Variants in CNTN1 observed in about 807,000 individuals in gnomAD.
CNTN1 encodes the protein contactin-1.
CNTN1 carries 38 observed loss-of-function variants against 126.4 expected under a neutral mutation model. That is an observed-to-expected ratio of 0.30 (90% confidence interval 0.23 to 0.39). The LOEUF is 0.39. Among genes scored for constraint, CNTN1 ranks in the 10% least tolerant of loss-of-function variants. The pLI is 1.00. For missense variants in CNTN1, 1,009 were observed against 1,248.4 expected (o/e 0.81, Z 2.89); for synonymous variants, 413 against 422.6 (o/e 0.98, Z 0.28).
intron 1 of CNTN1, among the ~76,000 whole-genome samples, chr12:40,710,903 C>T (rs1329895119): frequency 1.3e-5 from 2 of 152,126 alleles, no homozygotes; most frequent in Non-Finnish European, 2.9e-5. Context: ...GTGTAACTCA[C>T]ACATAAGCTA....
At chr12:40,949,785 A>G (rs1442875685) in intron 14 of CNTN1, among the ~76,000 whole-genome samples, 1 of 151,468 alleles carries the variant, frequency 6.6e-6, no homozygotes. Context: ...CATCTTGGCC[A>G]GGCTGGTCTC....
chr12:40,814,119 G>A lies in CNTN1; in HGVS notation c.-76-94238G>A, dbSNP rs151302330. Among the ~76,000 whole-genome samples, 568 of 152,228 alleles carry A rather than the reference G, an allele frequency of 3.7e-3. 4 individuals carry two copies. The highest frequency in any genetic ancestry group is 0.013 in the African/African-American group (543 of 41,542). On this transcript the variant is annotated intron_variant, in intron 1 of 23. Coordinates refer to ENST00000551295, the MANE Select transcript of CNTN1 (RefSeq NM_001843.4). ...TAGACCTTTGTCAGATGGGTAGATT[G>A]CAAAAATTTTCTCCCATTCTGTAGT...
intron 1 of CNTN1, among the ~76,000 whole-genome samples, chr12:40,810,439 G>A (rs942795203): frequency 1.3e-5 from 2 of 151,988 alleles, no homozygotes; most frequent in African/African-American, 2.4e-5. Context: ...TGTATAATAT[G>A]GCATTATTAA....
intron 1 of CNTN1, among the ~76,000 whole-genome samples, chr12:40,801,010 G>GGT (rs777712016): frequency 7.0e-6 from 1 of 142,728 alleles, no homozygotes; most frequent in Non-Finnish European, 1.5e-5. Flanking sequence ...TCAAACTAGA[G>GGT]TTTTGTTTTT....
intron 1 of CNTN1, among the ~76,000 whole-genome samples, chr12:40,782,212 A>C (rs921301248): frequency 3.9e-5 from 6 of 151,930 alleles, no homozygotes; most frequent in Admixed American, 6.6e-5. Flanking sequence ...AAAGTATTAT[A>C]GTTTTATTTG....
chr12:40,985,419 G>A (rs1465677798), intron 16 of CNTN1, among the ~76,000 whole-genome samples: 2 of 151,874 alleles, frequency 1.3e-5, no homozygotes, highest in Non-Finnish European at 2.9e-5. Context: ...GGACTCAAAG[G>A]TTTTTACATT....
intron 3 of CNTN1, among the ~76,000 whole-genome samples, chr12:40,917,071 G>GC (rs1374547956): frequency 8.1e-6 from 1 of 123,552 alleles, no homozygotes; most frequent in Non-Finnish European, 1.7e-5. Flanking sequence ...CGGGGGGGGG[G>GC]GCAGAACTAA....
intron 20 of CNTN1, 52 bp downstream of exon 20, chr12:41,020,492 A>G: frequency 8.6e-7 from 1 of 1,157,064 alleles, no homozygotes; most frequent in South Asian, 1.3e-5. Context: ...ATATATAAGC[A>G]TACGTTTTCA....
chr12:40,712,932 G>T (rs1941959228), intron 1 of CNTN1, among the ~76,000 whole-genome samples: 1 of 151,942 alleles, frequency 6.6e-6, no homozygotes, highest in African/African-American at 2.4e-5. Flanking sequence ...AGGTAATCGG[G>T]GGATGTGAGT....
intron 18 of CNTN1, among the ~76,000 whole-genome samples, chr12:41,016,185 G>A (rs868304933): frequency 1.3e-5 from 2 of 152,114 alleles, no homozygotes; most frequent in Non-Finnish European, 2.9e-5. Flanking sequence ...TGACAAAAAC[G>A]CTGCATTCAT....
At chr12:40,740,832 A>T (rs894828375) in intron 1 of CNTN1, among the ~76,000 whole-genome samples, 9 of 152,064 alleles carry the variant, frequency 5.9e-5, no homozygotes, top group African/African-American at 2.2e-4. Flanking sequence ...TCCCCTGCAC[A>T]CACTCTCTTG....
At chr12:40,759,191 A>T (rs1398290727) in intron 1 of CNTN1, among the ~76,000 whole-genome samples, 1 of 152,138 alleles carries the variant, frequency 6.6e-6, no homozygotes, top group African/African-American at 2.4e-5. Context: ...GGCATGAGCC[A>T]CTGTGCCTGG....
At chr12:40,803,422 G>GTTTAATTTTGC (rs1940728023) in intron 1 of CNTN1, among the ~76,000 whole-genome samples, 1 of 151,918 alleles carries the variant, frequency 6.6e-6, no homozygotes, top group Non-Finnish European at 1.5e-5. Flanking sequence ...TGAATTTAAT[G>GTTTAATTTTGC]TTTAATTTTG....
intron 16 of CNTN1, among the ~76,000 whole-genome samples, chr12:40,984,438 G>A (rs391052): frequency 0.48 from 73,545 of 151,666 alleles, 17,793 homozygotes; most frequent in Admixed American, 0.51. Context: ...TCCTTGTGAG[G>A]GCTTCAGGAA....
chr12:40,872,212 T>TGTGTG lies in CNTN1; in HGVS notation c.-76-36145_-76-36144insGTGTG, dbSNP rs1943525526. ...CGGTAGGGTTTTTCCGTTGCTTTGTTTGTGTGTGTGTGTGTGTGTGTGTGT... is the reference window on the plus strand; with the variant it reads ...CGGTAGGGTTTTTCCGTTGCTTTGTTGTGTGTGTGTGTGTGTGTGTGTGTGTGTGT... On this transcript the variant is annotated intron_variant, in intron 1 of 23. Transcript: ENST00000551295. Among the ~76,000 whole-genome samples, 95 of 113,594 alleles carry TGTGTG rather than the reference T, an allele frequency of 8.4e-4. 2 individuals are homozygous for TGTGTG. Among genetic ancestry groups the TGTGTG allele is most frequent in the African/African-American group, 3.1e-3 (87 of 27,702 alleles). 74.5% of individuals were successfully genotyped at this position (113,594 alleles called of 152,430 possible).
At chr12:40,931,605 C>G (rs753767088) in intron 7 of CNTN1, among the ~76,000 whole-genome samples, 1 of 151,948 alleles carries the variant, frequency 6.6e-6, no homozygotes, top group East Asian at 1.9e-4. Context: ...CAAAACCTTC[C>G]TTTTATTTAG....
chr12:40,747,171 C>A (rs1938218112), intron 1 of CNTN1, among the ~76,000 whole-genome samples: 1 of 152,018 alleles, frequency 6.6e-6, no homozygotes, highest in Admixed American at 6.6e-5. Flanking sequence ...TTGGGAAATT[C>A]ATGTTTTTGT....
At chr12:40,734,531 G>C (rs753570706) in intron 1 of CNTN1, among the ~76,000 whole-genome samples, 2 of 152,072 alleles carry the variant, frequency 1.3e-5, no homozygotes, top group South Asian at 2.1e-4. Flanking sequence ...ACTGGCCTTT[G>C]GCTAGTTGTG....
intron 1 of CNTN1, among the ~76,000 whole-genome samples, chr12:40,809,849 C>CACACACACAT (rs1306559063): frequency 9.2e-5 from 13 of 141,934 alleles, no homozygotes; most frequent in African/African-American, 2.6e-4. Context: ...CACACACACA[C>CACACACACAT]AAAAGTCAAA....
Sources: allele counts gnomAD v4.1 joint callset (sites outside exome capture counted in the v4.1 genomes callset), GRCh38; gene constraint gnomAD v4.1.1; transcripts MANE v1.5; gene names NCBI Gene and HGNC (gene_info 2026-07-23, HGNC 2026-07-21).